Variants in DOP1B observed in about 807,000 individuals in gnomAD.
The protein encoded by DOP1B is protein DOP1B.
A neutral mutation model predicts 233.5 loss-of-function variants in DOP1B; 174 were observed. The observed-to-expected ratio is 0.75, with a 90% CI of 0.66 to 0.85. DOP1B has a LOEUF of 0.85. Among genes scored for constraint, DOP1B ranks in the 40% least tolerant of loss-of-function variants. The pLI is 0.00. For missense variants in DOP1B, 2,652 were observed against 2,846.6 expected (o/e 0.93, Z 1.56); for synonymous variants, 1,190 against 1,185.6 (o/e 1.00, Z -0.08).
In DOP1B at chr21:36,210,192, A is replaced by G. The variant is rs547525750; in HGVS notation, c.681+1288A>G. 1.8e-3 allele frequency among the ~76,000 whole-genome samples: 267 copies of G among 152,066 alleles called. 2 individuals carry two copies. Among genetic ancestry groups the G allele is most frequent in the Non-Finnish European group, 3.2e-3 (216 of 67,974 alleles). ...GGGGAGAAAGCCTAGCTTTGCTCAT[A>G]TGTATCCTGTGCTTTAAAAATGTCT... On this transcript the variant is annotated intron_variant, in intron 5 of 36. Transcript: ENST00000691173.
At chr21:36,260,204 AGGGAAGGGAAGG>A (rs1447040816) in intron 23 of DOP1B, among the ~76,000 whole-genome samples, 5 of 145,126 alleles carry the variant, frequency 3.4e-5, no homozygotes, top group Non-Finnish European at 6.0e-5. Flanking sequence ...GAAAAAGGAA[AGGGAAGGGAAGG>A]GGGAAGGGAA....
Position 36,240,488 on chromosome 21 carries a change from A to G in DOP1B, c.3067+533A>G, listed in dbSNP as rs1298184973. Among the ~76,000 whole-genome samples the G allele has an allele frequency of 2.0e-5, 3 of 152,198 alleles. No individual in the cohort carries two copies. The East Asian group carries it at 5.8e-4, about 29-fold the overall frequency. ...GAGAGAGACTGTCATTCATAAATAC[A>G]TAAATAAATAAATAAAATAACTTAT... On this transcript the variant is annotated intron_variant, in intron 18 of 36. Coordinates refer to ENST00000691173, the MANE Select transcript of DOP1B (RefSeq NM_001320714.2).
At chr21:36,218,212 G>A (rs573790696) in intron 9 of DOP1B, among the ~76,000 whole-genome samples, 1 of 152,258 alleles carries the variant, frequency 6.6e-6, no homozygotes, top group African/African-American at 2.4e-5. Context: ...CAAGCATTTA[G>A]CATTCTTATG....
chr21:36,229,190 T>C (rs1350647482), intron 13 of DOP1B, among the ~76,000 whole-genome samples: 1 of 152,188 alleles, frequency 6.6e-6, no homozygotes, highest in African/African-American at 2.4e-5. Flanking sequence ...ATTAGTTTGC[T>C]GGGACTGCCA....
intron 12 of DOP1B, among the ~76,000 whole-genome samples, chr21:36,227,413 G>A (rs1399782809): frequency 3.5e-4 from 53 of 151,374 alleles, no homozygotes; most frequent in African/African-American, 5.1e-4. Context: ...CGGGCGTGGT[G>A]GTGGGCACCT....
intron 1 of DOP1B, among the ~76,000 whole-genome samples, chr21:36,158,571 C>T (rs1216669857): frequency 1.3e-5 from 2 of 151,802 alleles, no homozygotes; most frequent in Non-Finnish European, 1.5e-5. Context: ...TTTGGGAAGT[C>T]GAGGGGGTGG....
chr21:36,219,332 A>G (rs1378117264), intron 9 of DOP1B, 40 bp from the exon 10 acceptor site: 48 of 1,612,988 alleles, frequency 3.0e-5, no homozygotes, highest in Non-Finnish European at 4.0e-5. Context: ...TTTAAAGGGG[A>G]TTGTTAATCT....
At chr21:36,273,847 G>A (rs768840750) in intron 27 of DOP1B, among the ~76,000 whole-genome samples, 49 of 152,008 alleles carry the variant, frequency 3.2e-4, no homozygotes, top group Non-Finnish European at 5.7e-4. Context: ...AGGCCGAGGC[G>A]GGCGGATCAC....
At chr21:36,265,724 G>A (rs921474754) in intron 26 of DOP1B, among the ~76,000 whole-genome samples, 4 of 151,968 alleles carry the variant, frequency 2.6e-5, no homozygotes, top group Non-Finnish European at 5.9e-5. Flanking sequence ...ATGACACCTG[G>A]CCTCCCCGCC....
In DOP1B at chr21:36,182,885, T is replaced by C. The variant is rs1239136294; in HGVS notation, c.139-16185T>C. Among the ~76,000 whole-genome samples, 3 of 152,198 alleles carry C rather than the reference T, an allele frequency of 2.0e-5. No homozygotes were observed. In the East Asian group the frequency reaches 5.8e-4, roughly 29 times the overall value. On this transcript the variant is annotated intron_variant, in intron 2 of 36. Coordinates refer to ENST00000691173, the MANE Select transcript of DOP1B (RefSeq NM_001320714.2). ...TGTAAGGCACCAGAATGCTTGGATCTTTTGGGGATGTCACTGAGCCCTTGC... is the reference window on the plus strand; with the variant it reads ...TGTAAGGCACCAGAATGCTTGGATCCTTTGGGGATGTCACTGAGCCCTTGC...
intron 20 of DOP1B, among the ~76,000 whole-genome samples, chr21:36,248,038 C>A (rs1175515372): frequency 6.6e-6 from 1 of 152,172 alleles, no homozygotes; most frequent in Non-Finnish European, 1.5e-5. Context: ...TTTTTACTTG[C>A]TATCATGGTG....
chr21:36,286,177 CTT>C (rs1433765626), intron 32 of DOP1B, among the ~76,000 whole-genome samples: 6 of 152,136 alleles, frequency 3.9e-5, no homozygotes, highest in Non-Finnish European at 8.8e-5. Flanking sequence ...AGTCTTACGT[CTT>C]TGGGGGCTGG....
chr21:36,234,798 C>T (rs946996696), intron 15 of DOP1B, among the ~76,000 whole-genome samples: 1 of 152,182 alleles, frequency 6.6e-6, no homozygotes, highest in African/African-American at 2.4e-5. Context: ...ACCTCAGCCT[C>T]CCAAAGTGCC....
chr21:36,204,499 T>C (rs2123479902), intron 4 of DOP1B, among the ~76,000 whole-genome samples: 1 of 152,104 alleles, frequency 6.6e-6, no homozygotes, highest in East Asian at 1.9e-4. Flanking sequence ...CATGATCACA[T>C]TGAATTCCAG....
At chr21:36,252,548 C>CTT (rs896307020) in intron 22 of DOP1B, among the ~76,000 whole-genome samples, 1 of 139,342 alleles carries the variant, frequency 7.2e-6, no homozygotes, top group Non-Finnish European at 1.5e-5. Context: ...AAGATAATTT[C>CTT]TTTTTTTTTT....
rs752976756 is a variant in DOP1B, at chr21:36,246,508, G to A, written c.4528G>A (p.Ala1510Thr). The A allele has an allele frequency of 6.2e-6, 10 of 1,614,124 alleles. No individual in the cohort carries two copies. Among genetic ancestry groups the A allele is most frequent in the South Asian group, 1.1e-5 (1 of 91,084 alleles). The change falls in exon 19 of 37, where the codon GCC (alanine) becomes ACC (threonine). Residue 1510 changes from alanine (A) to threonine (T), a missense_variant. Coordinates refer to ENST00000691173, the MANE Select transcript of DOP1B (RefSeq NM_001320714.2). This position sits in a 1 kb window ranked among gnomAD's most constrained non-coding sequence, Gnocchi z 5.1. Reference protein sequence around the residue: ...VSAVVRGLQPAYGYGMHPAWV... With the variant: ...VSAVVRGLQPTYGYGMHPAWV... Reference sequence around the variant, plus strand: ...TGCGGTGGTGAGGGGTCTGCAGCCCGCCTACGGTTACGGCATGCATCCGGC... The same window carrying A: ...TGCGGTGGTGAGGGGTCTGCAGCCCACCTACGGTTACGGCATGCATCCGGC...
chr21:36,189,823 G>T lies in DOP1B; in HGVS notation c.139-9247G>T, dbSNP rs546666302. Among the ~76,000 whole-genome samples the T allele has an allele frequency of 7.9e-4, 120 of 151,640 alleles. 1 individual carries two copies. The highest frequency in any genetic ancestry group is 2.8e-3 in the African/African-American group (114 of 41,322). On this transcript the variant is annotated intron_variant, in intron 2 of 36. Coordinates refer to ENST00000691173, the MANE Select transcript of DOP1B (RefSeq NM_001320714.2). ...CAGGAGTTTGAGACCAGCCTGACCA[G>T]TATGGTGAAACCCTGTCTCTACTAA...
At chr21:36,292,040 AC>A (rs1195469150) in intron 35 of DOP1B, 63 bp from the exon 36 acceptor site, 23 of 1,518,456 alleles carry the variant, frequency 1.5e-5, no homozygotes, top group Admixed American at 4.7e-5. Context: ...TCTTAATAAA[AC>A]TAATTTTAAC....
rs372486945 is a variant in DOP1B at position 36,208,770 on chromosome 21, A to G, written c.547A>G (p.Thr183Ala). The G allele has an allele frequency of 1.8e-5, 29 of 1,613,062 alleles. No individual in the cohort carries two copies. The highest frequency in any genetic ancestry group is 4.0e-5 in the African/African-American group (3 of 74,836). Residue 183 changes from threonine to alanine, a missense_variant, in exon 5 of 37, where the codon ACC (threonine) becomes GCC (alanine). This residue lies in a region of DOP1B where 2,617 missense variants were observed against 2,794.3 expected (regional missense o/e 0.94). Transcript: ENST00000691173. Reference sequence around the variant, plus strand: ...GGTGGTTGGCAAAGAGGTGTTTTACACCGCCCTCTGGGGGAGCGTCCTGGC... The same window carrying G: ...GGTGGTTGGCAAAGAGGTGTTTTACGCCGCCCTCTGGGGGAGCGTCCTGGC... ...SLVVGKEVFYTALWGSVLASP... is the reference protein window; with the variant it reads ...SLVVGKEVFYAALWGSVLASP...
Sources: gnomAD v4.1 joint callset for allele counts (sites outside exome capture counted in the v4.1 genomes callset) on GRCh38, gnomAD v4.1.1 for gene constraint, gnomAD v4.1.1 regional missense constraint, Gnocchi (gnomAD v3.1) non-coding constraint, MANE v1.5 for transcripts, NCBI Gene and HGNC (gene_info 2026-07-23, HGNC 2026-07-21) for gene names.